The following HPSE2 variants were observed in gnomAD, a reference collection of about 807,000 sequenced individuals.
HPSE2 encodes the protein inactive heparanase-2.
Under a neutral mutation model 60.5 loss-of-function variants are expected in HPSE2, and 38 were observed. The ratio of observed to expected loss-of-function variants is 0.63; its 90% CI spans 0.48 to 0.82. HPSE2 has a LOEUF of 0.82. HPSE2 is among the 40% of genes least tolerant of loss of function. The probability of loss-of-function intolerance (pLI) is 0.00; values close to 1 mark genes in which losing one functional copy is unlikely to be tolerated. For synonymous variants in HPSE2, 295 were observed against 293.2 expected (o/e 1.01, Z -0.06); for missense variants, 713 against 740.4 (o/e 0.96, Z 0.43).
intron 9 of HPSE2, among the ~76,000 whole-genome samples, chr10:98,562,738 C>A (rs1944228260): frequency 6.9e-6 from 1 of 145,264 alleles, no homozygotes; most frequent in Non-Finnish European, 1.5e-5. Flanking sequence ...AAAAAAAAAT[C>A]TGCTGGTCTA....
intron 3 of HPSE2, among the ~76,000 whole-genome samples, chr10:98,916,840 T>A (rs79522757): frequency 0.013 from 2,033 of 152,304 alleles, 38 homozygotes; most frequent in African/African-American, 0.046. Context: ...AGTCCCTTCC[T>A]CTGAATTTCC....
intron 2 of HPSE2, among the ~76,000 whole-genome samples, chr10:99,177,596 A>G (rs1162541831): frequency 6.6e-6 from 1 of 152,154 alleles, no homozygotes; most frequent in Non-Finnish European, 1.5e-5. Context: ...TATGCACCCA[A>G]TACAGGAGCA....
chr10:98,951,046 G>C (rs1955341056), intron 3 of HPSE2, among the ~76,000 whole-genome samples: 1 of 152,150 alleles, frequency 6.6e-6, no homozygotes, highest in Non-Finnish European at 1.5e-5. Flanking sequence ...ACAAAAAAAA[G>C]TGGTGGTCAG....
chr10:99,022,020 TC>T (rs1235890153), intron 3 of HPSE2, among the ~76,000 whole-genome samples: 1 of 148,652 alleles, frequency 6.7e-6, no homozygotes, highest in Non-Finnish European at 1.5e-5. Flanking sequence ...TAGGTATATC[TC>T]CTAATGCTAT....
At chr10:98,706,975 A>G (rs1948563622) in intron 5 of HPSE2, among the ~76,000 whole-genome samples, 1 of 152,214 alleles carries the variant, frequency 6.6e-6, no homozygotes, top group African/African-American at 2.4e-5. Context: ...AAACACACAC[A>G]AGGGATTCTC....
intron 3 of HPSE2, among the ~76,000 whole-genome samples, chr10:98,987,674 T>G (rs925897678): frequency 1.3e-5 from 2 of 152,070 alleles, no homozygotes; most frequent in Non-Finnish European, 2.9e-5. Context: ...AAATAAAGGG[T>G]ATTCAATTAG....
At chr10:98,544,703 A>G (rs1447467636) in intron 9 of HPSE2, among the ~76,000 whole-genome samples, 1 of 95,804 alleles carries the variant, frequency 1.0e-5, no homozygotes, top group Non-Finnish European at 2.0e-5. Flanking sequence ...ACAGAGCGAG[A>G]CTCCGTCTCA....
Position 98,490,207 on chromosome 10 carries a change from T to C in HPSE2, c.1321-11A>G, listed in dbSNP as rs111549617. On this transcript the variant is annotated splice_polypyrimidine_tract_variant and intron_variant, in intron 9 of 11. Transcript: ENST00000370552. ...AGAGAGCCAGTAGTCCTGAGGAGAA[T>C]AGAGAGGGAGAGGGTCAGCGAGAGA... 7.9e-4 allele frequency: 1,276 copies of C among 1,613,484 alleles called. 18 individuals carry two copies. In the African/African-American group the frequency reaches 0.014, roughly 18 times the overall value.
intron 6 of HPSE2, among the ~76,000 whole-genome samples, chr10:98,659,858 TG>T (rs1391149754): frequency 6.6e-6 from 1 of 152,154 alleles, no homozygotes; most frequent in Admixed American, 6.5e-5. Flanking sequence ...CACAGGACAA[TG>T]GGTTCACTTA....
rs59864813 is a variant in HPSE2 at position 98,480,829 on chromosome 10, A to C, written c.1613+1807T>G. 8.8e-3 allele frequency among the ~76,000 whole-genome samples: 1,345 copies of C among 152,138 alleles called. 27 individuals are homozygous for C. Among genetic ancestry groups the C allele is most frequent in the African/African-American group, 0.03 (1,242 of 41,416 alleles). ...ATTGTATCCTTCCTCTTTCTCAACCAGCCAGATTTCTGAGTTGAGGAAAAG... is the reference window on the plus strand; with the variant it reads ...ATTGTATCCTTCCTCTTTCTCAACCCGCCAGATTTCTGAGTTGAGGAAAAG... On this transcript the variant is annotated intron_variant, in intron 11 of 11. Transcript: ENST00000370552.
At position 98,962,482 on chromosome 10, in the gene HPSE2, T is replaced by G. The variant is rs547715264; in HGVS notation, c.610+181756A>C. Among the ~76,000 whole-genome samples, 11 of 152,092 alleles carry G rather than the reference T, an allele frequency of 7.2e-5. No individual in the cohort carries two copies. The South Asian group carries it at 2.3e-3, about 32-fold the overall frequency. On this transcript the variant is annotated intron_variant, in intron 3 of 11. Coordinates refer to ENST00000370552, the MANE Select transcript of HPSE2 (RefSeq NM_021828.5). ...AACCCACAGCCAATATCATACTGAA[T>G]GGGCAAAAACTGGAAGCATTCCCTT... is the stretch of plus-strand genomic sequence containing the variant.
At chr10:98,515,460 T>G (rs1942571948) in intron 9 of HPSE2, among the ~76,000 whole-genome samples, 1 of 152,214 alleles carries the variant, frequency 6.6e-6, no homozygotes, top group Non-Finnish European at 1.5e-5. Flanking sequence ...CTATGGATAC[T>G]TTGTAGTCAC....
chr10:98,946,832 T>C (rs899801723), intron 3 of HPSE2, among the ~76,000 whole-genome samples: 1 of 152,088 alleles, frequency 6.6e-6, no homozygotes, highest in Non-Finnish European at 1.5e-5. Flanking sequence ...GTGGCTATTG[T>C]GGTGAGCTCA....
At chr10:99,200,960 C>T (rs1399307164) in intron 2 of HPSE2, among the ~76,000 whole-genome samples, 1 of 152,114 alleles carries the variant, frequency 6.6e-6, no homozygotes, top group Non-Finnish European at 1.5e-5. Context: ...AAATTGTCTG[C>T]CTGCATTTTG....
chr10:98,471,997 A>C (rs1051726213), intron 11 of HPSE2, among the ~76,000 whole-genome samples: 3 of 152,084 alleles, frequency 2.0e-5, no homozygotes, highest in African/African-American at 7.2e-5. Context: ...GTATATACTT[A>C]TTTATGTAGC....
chr10:99,090,830 C>T (rs1310425301), intron 3 of HPSE2, among the ~76,000 whole-genome samples: 2 of 152,012 alleles, frequency 1.3e-5, no homozygotes, highest in African/African-American at 4.8e-5. Context: ...GAATTTCCTG[C>T]TTCCACTCAA....
intron 3 of HPSE2, among the ~76,000 whole-genome samples, chr10:98,861,003 A>G (rs1024041477): frequency 1.3e-5 from 2 of 152,168 alleles, no homozygotes; most frequent in South Asian, 4.1e-4. Context: ...TGCTTCACAA[A>G]TGCATCTACT....
chr10:99,004,129 T>C (rs1288544915), intron 3 of HPSE2, among the ~76,000 whole-genome samples: 2 of 152,072 alleles, frequency 1.3e-5, no homozygotes, highest in East Asian at 3.9e-4. Context: ...TCAGCCTGTG[T>C]GCCCTTAAAG....
chr10:98,691,754 A>G (rs531742715), intron 6 of HPSE2, among the ~76,000 whole-genome samples: 2 of 152,238 alleles, frequency 1.3e-5, no homozygotes, highest in East Asian at 3.9e-4. Flanking sequence ...AACATTTTCC[A>G]CTTTCTGTGT....
Sources: gnomAD v4.1 joint callset for allele counts (sites outside exome capture counted in the v4.1 genomes callset) on GRCh38, gnomAD v4.1.1 for gene constraint, MANE v1.5 for transcripts, NCBI Gene and HGNC (gene_info 2026-07-23, HGNC 2026-07-21) for gene names.